Variants in AK9 observed in about 807,000 individuals in gnomAD.
AK9 encodes adenylate kinase 9.
Under a neutral mutation model 239.6 loss-of-function variants are expected in AK9, and 191 were observed. The ratio of observed to expected loss-of-function variants is 0.80; its 90% confidence interval spans 0.71 to 0.90. AK9 has a LOEUF of 0.90. Among genes scored for constraint, AK9 ranks in the 40% least tolerant of loss-of-function variants. The pLI, the probability that AK9 is intolerant of heterozygous loss-of-function variation, is 0.00. For missense variants in AK9, 1,995 were observed against 2,214.7 expected, an observed-to-expected ratio of 0.90 and a Z score of 1.99; for synonymous variants, 689 against 721.0, an observed-to-expected ratio of 0.96 and a Z score of 0.71.
chr6:109,559,182 T>G (rs201881600), intron 24 of AK9, among the ~76,000 whole-genome samples: 4 of 125,384 alleles, frequency 3.2e-5, no homozygotes, highest in Non-Finnish European at 5.4e-5. Context: ...TTTTTTTGTT[T>G]TTTTGAGATG....
intron 17 of AK9, among the ~76,000 whole-genome samples, chr6:109,590,356 G>A (rs2128218140): frequency 6.6e-6 from 1 of 152,262 alleles, no homozygotes; most frequent in Non-Finnish European, 1.5e-5. Flanking sequence ...TGTATGCACA[G>A]AGATGCTGAT....
At chr6:109,562,949 T>C (rs1247150823) in intron 24 of AK9, among the ~76,000 whole-genome samples, 2 of 152,140 alleles carry the variant, frequency 1.3e-5, no homozygotes, top group East Asian at 1.9e-4. Context: ...AAAACCCGCA[T>C]CCTTTAGCCA....
At position 109,633,285 on chromosome 6, in the gene AK9, A is replaced by G. The variant is rs750501281; in HGVS notation, c.972T>C (p.Ile324=). ...LFRTLASYKL[I]APRYRWQRSK... is the part of the protein sequence containing the mutation. ...TTCTTTGCCATCTGTATCTTGGTGC[A>G]ATAAGTTTATAAGATGCAAGAGTAC... Residue 324 remains isoleucine (I), a synonymous_variant, in exon 11 of 41, where the codon ATT becomes ATC. Transcript: ENST00000424296. 6.2e-7 allele frequency: 1 copy of G among 1,607,874 alleles called. No individual in the cohort carries two copies. The highest frequency in any genetic ancestry group is 8.5e-7 in the Non-Finnish European group (1 of 1,178,920).
intron 1 of AK9, among the ~76,000 whole-genome samples, chr6:109,682,714 T>TGG (rs1302378524): frequency 1.3e-5 from 2 of 152,034 alleles, no homozygotes; most frequent in Non-Finnish European, 2.9e-5. Context: ...ATCGAATCCC[T>TGG]GAATAAACCA....
chr6:109,560,256 A>G (rs1424601392), intron 24 of AK9, among the ~76,000 whole-genome samples: 3 of 152,192 alleles, frequency 2.0e-5, no homozygotes, highest in Admixed American at 6.5e-5. Flanking sequence ...TTTCAATCTG[A>G]ATGCCTTTTA....
In AK9 at chr6:109,550,272, G is replaced by T. The variant is rs758067265; in HGVS notation, c.2782C>A (p.His928Asn). Residue 928 changes from histidine (H) to asparagine (N), a missense_variant, in exon 25 of 41, where the codon CAT (histidine) becomes AAT (asparagine). Physicochemically the swap from His to Asn is moderately conservative, Grantham distance 68 (BLOSUM62 1). Around this residue, in one of 5 missense-constraint regions of AK9, gnomAD observed 1,290 missense variants for 1,392.7 expected, o/e 0.93. Coordinates refer to ENST00000424296, the MANE Select transcript of AK9 (RefSeq NM_001145128.3). ...GEDKMKERKR[H>N]LGDTKHFCPV... ...CAAAAGTGTTTTGTGTCTCCCAAAT[G>T]CCTCTTTCTCTCCTTCATTTTATCT... 6 of 1,611,680 alleles carry T rather than the reference G, an allele frequency of 3.7e-6. No homozygotes were observed. The highest frequency in any genetic ancestry group is 5.1e-6 in the Non-Finnish European group (6 of 1,179,948).
chr6:109,652,748 A>C lies in AK9; in HGVS notation c.759+4008T>G, dbSNP rs753645204. On this transcript the variant is annotated intron_variant, in intron 8 of 40. Transcript: ENST00000424296. Reference sequence around the variant, plus strand: ...TGAAGGAATGCAAAAAAGTACATAGAAACAGTTAACACGACTTCTCCCTGC... The same window carrying C: ...TGAAGGAATGCAAAAAAGTACATAGCAACAGTTAACACGACTTCTCCCTGC... 7.9e-5 allele frequency among the ~76,000 whole-genome samples: 12 copies of C among 152,332 alleles called. No homozygotes were observed. In the South Asian group the frequency reaches 8.3e-4, roughly 11 times the overall value.
intron 17 of AK9, among the ~76,000 whole-genome samples, chr6:109,600,907 G>C (rs535065344): frequency 2.1e-4 from 32 of 152,248 alleles, no homozygotes; most frequent in African/African-American, 7.7e-4. Flanking sequence ...TTGTATTTCC[G>C]TGGGATCAGT....
intron 29 of AK9, among the ~76,000 whole-genome samples, chr6:109,525,408 A>C (rs1364606693): frequency 1.3e-5 from 2 of 152,216 alleles, no homozygotes; most frequent in African/African-American, 4.8e-5. Context: ...TTTGCAAACT[A>C]TGCGTACAAC....
chr6:109,506,144 T>C (rs1476249024), intron 35 of AK9, among the ~76,000 whole-genome samples, 183 bp downstream of exon 35: 3 of 152,166 alleles, frequency 2.0e-5, no homozygotes, highest in South Asian at 4.1e-4. Flanking sequence ...GATACAAATT[T>C]CAGACCATAG....
At chr6:109,679,339 G>A (rs1363236382) in intron 1 of AK9, among the ~76,000 whole-genome samples, 1 of 133,258 alleles carries the variant, frequency 7.5e-6, no homozygotes, top group African/African-American at 3.3e-5. Flanking sequence ...AAAGCCTTGG[G>A]GAAGTTCCCT....
At chr6:109,642,681 A>G (rs1476873718) in intron 9 of AK9, among the ~76,000 whole-genome samples, 1 of 152,028 alleles carries the variant, frequency 6.6e-6, no homozygotes, top group Admixed American at 6.6e-5. Flanking sequence ...TATGCTGGTG[A>G]ATGGGATGTG....
At position 109,604,896 on chromosome 6, in the gene AK9, T is replaced by C. The variant is rs1344288961; in HGVS notation, c.1842+5469A>G. On this transcript the variant is annotated intron_variant, in intron 17 of 40. Coordinates refer to ENST00000424296, the MANE Select transcript of AK9 (RefSeq NM_001145128.3). ...TAATTTTATTCATGTGGATCCTTCA[T>C]CTTTATTTCAAACTTAGTTACATTA... Among the ~76,000 whole-genome samples, 5 of 152,236 alleles carry C rather than the reference T, an allele frequency of 3.3e-5. No homozygotes were observed. In the East Asian group the frequency reaches 5.8e-4, roughly 18 times the overall value.
intron 10 of AK9, among the ~76,000 whole-genome samples, chr6:109,637,161 C>CT (rs1208245914): frequency 6.6e-6 from 1 of 152,150 alleles, no homozygotes; most frequent in Non-Finnish European, 1.5e-5. Flanking sequence ...TATTGAGCAT[C>CT]TTTTCATGTA....
At chr6:109,508,164 A>G (rs1333971618) in intron 33 of AK9, among the ~76,000 whole-genome samples, 3 of 152,226 alleles carry the variant, frequency 2.0e-5, no homozygotes, top group Non-Finnish European at 4.4e-5. Context: ...GCACTGGCCT[A>G]CAATTCTACA....
intron 5 of AK9, among the ~76,000 whole-genome samples, chr6:109,666,032 A>T (rs1801144571): frequency 6.6e-6 from 1 of 152,146 alleles, no homozygotes; most frequent in Admixed American, 6.5e-5. Context: ...CTCTTTACTG[A>T]TGGAAATGGC....
intron 20 of AK9, among the ~76,000 whole-genome samples, chr6:109,577,939 CTCT>C (rs1562439099): frequency 7.2e-6 from 1 of 139,100 alleles, no homozygotes; most frequent in African/African-American, 2.7e-5. Flanking sequence ...TCCTTTCTTT[CTCT>C]TTTTTTTTTT....
chr6:109,644,063 G>A (rs1797755813), intron 9 of AK9, among the ~76,000 whole-genome samples: 1 of 152,144 alleles, frequency 6.6e-6, no homozygotes, highest in South Asian at 2.1e-4. Context: ...GATACTGCAT[G>A]AGCAGAGATG....
intron 1 of AK9, among the ~76,000 whole-genome samples, chr6:109,678,959 C>G (rs1772191632): frequency 6.6e-6 from 1 of 152,220 alleles, no homozygotes; most frequent in South Asian, 2.1e-4. Context: ...TCTTCACAAC[C>G]CGCAGACCAG....
Sources: allele counts gnomAD v4.1 joint callset (sites outside exome capture counted in the v4.1 genomes callset), GRCh38; gene constraint gnomAD v4.1.1; regional missense constraint gnomAD v4.1.1; transcripts MANE v1.5; gene names NCBI Gene and HGNC (gene_info 2026-07-23, HGNC 2026-07-21).